ZNF804B: variants seen among roughly 807,000 people sequenced by gnomAD.
ZNF804B encodes the protein zinc finger protein 804B, also known as zinc finger 804B.
ZNF804B carries 80 observed loss-of-function variants against 101.4 expected under a neutral mutation model. The observed-to-expected ratio is 0.79, with a 90% confidence interval of 0.66 to 0.95. The LOEUF is 0.95. Among genes scored for constraint, ZNF804B ranks in the 40% least tolerant of loss-of-function variants. The pLI is 0.00. For missense variants in ZNF804B, 1,673 were observed against 1,561.9 expected, an observed-to-expected ratio of 1.07 and a Z score of -1.20; for synonymous variants, 622 against 558.8, an observed-to-expected ratio of 1.11 and a Z score of -1.59.
At chr7:88,891,417 T>C (rs1375065436) in intron 1 of ZNF804B, among the ~76,000 whole-genome samples, 1 of 152,092 alleles carries the variant, frequency 6.6e-6, no homozygotes, top group Non-Finnish European at 1.5e-5. Flanking sequence ...TTGCCTTTTA[T>C]ATAATTTTCT....
At chr7:88,894,862 G>T (rs1792264373) in intron 1 of ZNF804B, among the ~76,000 whole-genome samples, 1 of 152,042 alleles carries the variant, frequency 6.6e-6, no homozygotes, top group African/African-American at 2.4e-5. Context: ...TTAAATATAT[G>T]AAACACTGGG....
At chr7:88,941,788 G>T (rs34485292) in intron 1 of ZNF804B, among the ~76,000 whole-genome samples, 2,716 of 151,994 alleles carry the variant, frequency 0.018, 43 homozygotes, top group Non-Finnish European at 0.025. Context: ...GTGGATGAAG[G>T]TTGTTCTTGG....
chr7:89,018,069 A>G (rs572474571), intron 1 of ZNF804B, among the ~76,000 whole-genome samples: 1 of 152,234 alleles, frequency 6.6e-6, no homozygotes, highest in East Asian at 1.9e-4. Flanking sequence ...AAAAGGAATG[A>G]AAGTGGGCAT....
intron 1 of ZNF804B, among the ~76,000 whole-genome samples, chr7:89,020,620 T>A (rs907570862): frequency 2.6e-5 from 4 of 152,150 alleles, no homozygotes. Context: ...GACTTGGAAG[T>A]TTTCAGCTAT....
Position 88,825,946 on chromosome 7 carries a change from T to G in ZNF804B, c.108+65862T>G, listed in dbSNP as rs138314682. ...ATAGTTCCTATTTTATTTGTACATT[T>G]CCTTTTTGTGAAGTCAGTTTTGACT... On this transcript the variant is annotated intron_variant, in intron 1 of 3. Coordinates refer to ENST00000333190, the MANE Select transcript of ZNF804B (RefSeq NM_181646.5). Among the ~76,000 whole-genome samples, 117 of 152,270 alleles carry G rather than the reference T, an allele frequency of 7.7e-4. 1 individual carries two copies. The highest frequency in any genetic ancestry group is 2.7e-3 in the African/African-American group (111 of 41,570).
chr7:88,921,817 G>T (rs1792724012), intron 1 of ZNF804B, among the ~76,000 whole-genome samples: 1 of 151,998 alleles, frequency 6.6e-6, no homozygotes, highest in Non-Finnish European at 1.5e-5. Context: ...GGTATAGCAA[G>T]ATGTCAGGAT....
intron 1 of ZNF804B, among the ~76,000 whole-genome samples, chr7:89,202,226 A>G (rs1788651952): frequency 6.6e-6 from 1 of 152,108 alleles, no homozygotes; most frequent in Admixed American, 6.6e-5. Context: ...GAATTCTTTT[A>G]TCTTTTGATT....
At chr7:89,189,501 C>CA (rs1332352874) in intron 1 of ZNF804B, among the ~76,000 whole-genome samples, 2 of 152,090 alleles carry the variant, frequency 1.3e-5, no homozygotes, top group East Asian at 1.9e-4. Flanking sequence ...TTTTTAGAGG[C>CA]AAAAAAGACA....
intron 1 of ZNF804B, among the ~76,000 whole-genome samples, chr7:89,087,350 G>GT (rs1562880985): frequency 3.8e-4 from 57 of 151,608 alleles, no homozygotes; most frequent in African/African-American, 1.2e-3. Flanking sequence ...AAAAAAAAGG[G>GT]TCCAAATGTT....
chr7:88,873,491 A>G (rs1022111221), intron 1 of ZNF804B, among the ~76,000 whole-genome samples: 318 of 152,208 alleles, frequency 2.1e-3, no homozygotes, highest in Non-Finnish European at 3.3e-3. Flanking sequence ...CCATTTGTCA[A>G]TTTTGGCTTT....
At chr7:89,298,200 TAG>T (rs1491486594) in intron 2 of ZNF804B, among the ~76,000 whole-genome samples, 3 of 98,424 alleles carry the variant, frequency 3.0e-5, no homozygotes, top group African/African-American at 4.3e-5. Context: ...TATATCTATA[TAG>T]TGTGTGTGTG....
chr7:89,317,903 A>G (rs1790758961), intron 2 of ZNF804B, among the ~76,000 whole-genome samples: 1 of 152,214 alleles, frequency 6.6e-6, no homozygotes, highest in African/African-American at 2.4e-5. Context: ...GGGATGCAAC[A>G]TATTTTTTTT....
rs540203260 is a variant in ZNF804B at position 89,006,028 on chromosome 7, T to G, written c.109-212127T>G. Reference sequence around the variant, plus strand: ...AGTTAATTCTTTTCAATCACAAAAATAATGGTTTTTGTAATTAGATTTTTG... The same window carrying G: ...AGTTAATTCTTTTCAATCACAAAAAGAATGGTTTTTGTAATTAGATTTTTG... On this transcript the variant is annotated intron_variant, in intron 1 of 3. Coordinates refer to ENST00000333190, the MANE Select transcript of ZNF804B (RefSeq NM_181646.5). 2.0e-5 allele frequency among the ~76,000 whole-genome samples: 3 copies of G among 152,252 alleles called. No individual in the cohort carries two copies. The South Asian group carries it at 6.2e-4, about 32-fold the overall frequency.
At chr7:89,259,328 T>C (rs1789678534) in intron 2 of ZNF804B, among the ~76,000 whole-genome samples, 1 of 152,230 alleles carries the variant, frequency 6.6e-6, no homozygotes, top group Non-Finnish European at 1.5e-5. Context: ...AGTTTTGTTT[T>C]TGGTTTTTGC....
chr7:89,288,315 A>C (rs1790237818), intron 2 of ZNF804B, among the ~76,000 whole-genome samples: 1 of 152,144 alleles, frequency 6.6e-6, no homozygotes, highest in Non-Finnish European at 1.5e-5. Context: ...CCAGAAAGAA[A>C]GAAGAGAGAG....
chr7:89,176,532 A>G (rs1161685513), intron 1 of ZNF804B, among the ~76,000 whole-genome samples: 1 of 139,976 alleles, frequency 7.1e-6, no homozygotes, highest in Non-Finnish European at 1.6e-5. Flanking sequence ...ATCAGTGTTT[A>G]TCAGAAATAT....
chr7:89,143,721 A>G (rs1182274349), intron 1 of ZNF804B, among the ~76,000 whole-genome samples: 12 of 152,012 alleles, frequency 7.9e-5, no homozygotes, highest in Admixed American at 7.9e-4. Flanking sequence ...CTCTCTTCAA[A>G]TTGATGTCTT....
chr7:88,857,822 CTTTTTTTTTTTTTTT>C (rs55841922), intron 1 of ZNF804B, among the ~76,000 whole-genome samples: 54 of 81,478 alleles, frequency 6.6e-4, no homozygotes, highest in African/African-American at 2.6e-3. Flanking sequence ...CCTTTCTTTT[CTTTTTTTTTTTTTTT>C]TTTTTTTTTT....
chr7:89,017,192 G>C (rs6465177), intron 1 of ZNF804B, among the ~76,000 whole-genome samples: 128,025 of 152,216 alleles, frequency 0.84, 54,272 homozygotes, highest in African/African-American at 0.95. Context: ...ATATTGTATC[G>C]TGAGACTTTG....
Sources: allele counts gnomAD v4.1 joint callset (sites outside exome capture counted in the v4.1 genomes callset), GRCh38; gene constraint gnomAD v4.1.1; transcripts MANE v1.5; gene names NCBI Gene and HGNC (gene_info 2026-07-23, HGNC 2026-07-21).